PTPRD: variants seen among roughly 807,000 people sequenced by gnomAD.
PTPRD encodes receptor-type tyrosine-protein phosphatase delta.
PTPRD carries 34 observed loss-of-function variants against 214.5 expected under a neutral mutation model. The observed-to-expected ratio is 0.16, with a 90% CI of 0.12 to 0.21. PTPRD has a LOEUF of 0.21. Ranked by LOEUF, PTPRD falls within the 10% of genes least tolerant of loss-of-function variation. PTPRD has a pLI of 1.00. For synonymous variants in PTPRD, 1,128 were observed against 845.7 expected (o/e 1.33, Z -5.79); for missense variants, 2,545 against 2,398.7 (o/e 1.06, Z -1.27).
At chr9:9,395,046 G>T (rs2067260251) in intron 9 of PTPRD, among the ~76,000 whole-genome samples, 1 of 151,936 alleles carries the variant, frequency 6.6e-6, no homozygotes, top group Non-Finnish European at 1.5e-5. Context: ...CAATCCTGTG[G>T]GGAGTTGTGC....
intron 36 of PTPRD, among the ~76,000 whole-genome samples, chr9:8,390,529 A>G (rs1589309784): frequency 2.3e-5 from 3 of 132,496 alleles, no homozygotes; most frequent in East Asian, 4.1e-4. Flanking sequence ...TTGTAATTAT[A>G]TATTTACTTG....
At position 8,321,997 on chromosome 9, in the gene PTPRD, A is replaced by G. The variant is rs147269522; in HGVS notation, c.5535-2031T>C. 1.7e-4 allele frequency among the ~76,000 whole-genome samples: 25 copies of G among 149,164 alleles called. No homozygotes were observed. In the East Asian group the frequency reaches 4.9e-3, roughly 29 times the overall value. On this transcript the variant is annotated intron_variant, in intron 44 of 45. Coordinates refer to ENST00000381196, the MANE Select transcript of PTPRD (RefSeq NM_002839.4). ...GTAATATTTCAAATTTTTTCATACT[A>G]TTACATCTGTTAAAGTGATCTGTGA...
At chr9:9,790,939 G>A (rs1022441398) in intron 5 of PTPRD, among the ~76,000 whole-genome samples, 2 of 152,124 alleles carry the variant, frequency 1.3e-5, no homozygotes, top group Non-Finnish European at 2.9e-5. Context: ...AGTTTGAACA[G>A]GTCCTATGGC....
chr9:9,373,758 A>G (rs1235484662), intron 9 of PTPRD, among the ~76,000 whole-genome samples: 1 of 152,132 alleles, frequency 6.6e-6, no homozygotes, highest in Non-Finnish European at 1.5e-5. Context: ...TTTTGCAAAG[A>G]TTTGACTATG....
At chr9:10,543,475 T>TACACACAC (rs201493444) in intron 2 of PTPRD, among the ~76,000 whole-genome samples, 24,515 of 103,472 alleles carry the variant, frequency 0.24, 2,375 homozygotes, top group Non-Finnish European at 0.32. Context: ...TTAATATATA[T>TACACACAC]ATATACACAC....
At chr9:8,561,418 C>T (rs1447393254) in intron 14 of PTPRD, among the ~76,000 whole-genome samples, 1 of 152,184 alleles carries the variant, frequency 6.6e-6, no homozygotes, top group Non-Finnish European at 1.5e-5. Context: ...CACCCTTCAA[C>T]TGTCAGCCTA....
intron 9 of PTPRD, among the ~76,000 whole-genome samples, chr9:9,393,716 C>T (rs748391457): frequency 1.3e-5 from 2 of 152,248 alleles, no homozygotes; most frequent in South Asian, 4.1e-4. Flanking sequence ...GTAGTTTAAG[C>T]TTTCTAATCC....
intron 14 of PTPRD, among the ~76,000 whole-genome samples, chr9:8,595,990 A>G (rs1252238211): frequency 6.6e-6 from 1 of 152,188 alleles, no homozygotes; most frequent in East Asian, 1.9e-4. Context: ...CCTGGAAGGA[A>G]ATAACAGGCT....
intron 11 of PTPRD, among the ~76,000 whole-genome samples, chr9:8,939,289 G>T (rs910596753): frequency 6.6e-6 from 1 of 152,052 alleles, no homozygotes; most frequent in African/African-American, 2.4e-5. Flanking sequence ...TGAATTGCTT[G>T]CAAGGAAGAA....
intron 14 of PTPRD, among the ~76,000 whole-genome samples, chr9:8,549,175 C>T (rs189967901): frequency 3.0e-4 from 46 of 152,096 alleles, no homozygotes; most frequent in African/African-American, 8.2e-4. Context: ...TAATTATGAT[C>T]GTTGGAAGAG....
At position 9,284,739 on chromosome 9, in the gene PTPRD, C is replaced by A. The variant is rs564625356; in HGVS notation, c.-202-101376G>T. ...AGTGTCCTGGTGCAATGGAAAAGAACATAGATTCTTATGTTAGGATCTTGG... is the reference window on the plus strand; with the variant it reads ...AGTGTCCTGGTGCAATGGAAAAGAAAATAGATTCTTATGTTAGGATCTTGG... On this transcript the variant is annotated intron_variant, in intron 9 of 45. Coordinates refer to ENST00000381196, the MANE Select transcript of PTPRD (RefSeq NM_002839.4). Among the ~76,000 whole-genome samples the A allele has an allele frequency of 2.6e-4, 39 of 151,860 alleles. 2 individuals carry two copies. Among genetic ancestry groups the A allele is most frequent in the Admixed American group, 2.4e-3 (36 of 15,190 alleles).
At chr9:9,091,904 T>G (rs2099776687) in intron 10 of PTPRD, among the ~76,000 whole-genome samples, 3 of 152,208 alleles carry the variant, frequency 2.0e-5, no homozygotes, top group African/African-American at 7.2e-5. Flanking sequence ...TTTGAAAACC[T>G]AATTAACAAA....
chr9:9,358,653 G>A (rs2054798968), intron 9 of PTPRD, among the ~76,000 whole-genome samples: 1 of 151,188 alleles, frequency 6.6e-6, no homozygotes, highest in South Asian at 2.1e-4. Flanking sequence ...TTATCTATAA[G>A]CTTAGCTATT....
At chr9:8,583,290 T>C (rs1482936136) in intron 14 of PTPRD, among the ~76,000 whole-genome samples, 2 of 136,328 alleles carry the variant, frequency 1.5e-5, no homozygotes, top group Non-Finnish European at 3.0e-5. Context: ...CAGAGACCAG[T>C]AATGATCTGT....
intron 8 of PTPRD, among the ~76,000 whole-genome samples, chr9:9,531,751 A>G (rs1248136497): frequency 6.6e-6 from 1 of 152,094 alleles, no homozygotes; most frequent in Non-Finnish European, 1.5e-5. Flanking sequence ...TTGTTTGAAC[A>G]CCTATTTTTA....
chr9:9,755,269 C>T (rs2098557107), intron 6 of PTPRD, among the ~76,000 whole-genome samples: 1 of 151,932 alleles, frequency 6.6e-6, no homozygotes, highest in East Asian at 1.9e-4. Context: ...GATCATCTCC[C>T]TTTAAAATCA....
intron 11 of PTPRD, among the ~76,000 whole-genome samples, chr9:8,904,213 T>C (rs2098691977): frequency 6.6e-6 from 1 of 152,264 alleles, no homozygotes; most frequent in African/African-American, 2.4e-5. Context: ...ATTTAGCATT[T>C]ATCTCCTAAG....
chr9:9,476,396 T>G (rs932442308), intron 8 of PTPRD, among the ~76,000 whole-genome samples: 1 of 152,190 alleles, frequency 6.6e-6, no homozygotes. Flanking sequence ...AAGGAATATA[T>G]AAACAAACAG....
intron 3 of PTPRD, among the ~76,000 whole-genome samples, chr9:10,145,672 G>C (rs901614651): frequency 6.6e-6 from 1 of 151,816 alleles, no homozygotes; most frequent in African/African-American, 2.4e-5. Flanking sequence ...CATGGGATTG[G>C]TACCATTAAC....
Sources: allele counts gnomAD v4.1 joint callset (sites outside exome capture counted in the v4.1 genomes callset), GRCh38; gene constraint gnomAD v4.1.1; transcripts MANE v1.5; gene names NCBI Gene and HGNC (gene_info 2026-07-23, HGNC 2026-07-21).